Variants in ZNF221 observed in about 807,000 individuals in gnomAD.
ZNF221 encodes zinc finger protein 221.
Under a neutral mutation model 12.6 loss-of-function variants are expected in ZNF221, and 10 were observed. The ratio of observed to expected loss-of-function variants is 0.79; its 90% CI spans 0.49 to 1.34. The LOEUF (loss-of-function observed/expected upper bound fraction) is 1.34, where lower values mean the gene tolerates loss of function less well. Among genes scored for constraint, ZNF221 ranks in the 40% most tolerant of loss-of-function variants. The pLI, the probability that ZNF221 is intolerant of heterozygous loss-of-function variation, is 0.00. For synonymous variants in ZNF221, 232 were observed against 244.0 expected (o/e 0.95, Z 0.46); for missense variants, 661 against 721.4 (o/e 0.92, Z 0.96).
intron 1 of ZNF221, among the ~76,000 whole-genome samples, chr19:43,953,488 A>G (rs1218551512): frequency 6.6e-6 from 1 of 152,064 alleles, no homozygotes; most frequent in Non-Finnish European, 1.5e-5. Flanking sequence ...TGATTAAACC[A>G]TTGGCCACTG....
chr19:43,974,729 AAAAG>A, the ZNF221 span, among the ~76,000 whole-genome samples: 117,405 of 151,660 alleles, frequency 0.77, 46,518 homozygotes, highest in Middle Eastern at 0.89. Context: ...AAAAAAGTAA[AAAAG>A]AAGCCATTTG....
chr19:43,961,506 C>G (rs1243431360), intron 1 of ZNF221, among the ~76,000 whole-genome samples: 1 of 152,020 alleles, frequency 6.6e-6, no homozygotes, highest in Non-Finnish European at 1.5e-5. Flanking sequence ...CTATTAAATA[C>G]TAGATATCAA....
downstream of ZNF221, among the ~76,000 whole-genome samples, chr19:43,969,709 TG>T (rs1240330747): frequency 6.6e-6 from 1 of 152,124 alleles, no homozygotes; most frequent in African/African-American, 2.4e-5. Context: ...GGTCTCCCTG[TG>T]GGGGGTCTTC....
chr19:43,966,671 G>A lies in ZNF221; in HGVS notation c.1169G>A (p.Gly390Glu), dbSNP rs1369187088. 2 of 1,614,226 alleles carry A rather than the reference G, an allele frequency of 1.2e-6. No individual in the cohort carries two copies. Among genetic ancestry groups the A allele is most frequent in the Admixed American group, 1.7e-5 (1 of 60,028 alleles). ...TGTAAGCATCAGATGGTCCACACAG[G>A]AGAGAAACCATATAATTGTAAAGAA... is the stretch of plus-strand genomic sequence containing the variant. ...DFCKHQMVHT[G>E]EKPYNCKECG... The change falls in exon 5 of 5, where the codon GGA becomes GAA. Residue 390 changes from glycine to glutamate, a missense_variant. Physicochemically the swap from Gly to Glu is moderately conservative, Grantham distance 98 (BLOSUM62 -2). Coordinates refer to ENST00000587682, the MANE Select transcript of ZNF221 (RefSeq NM_001297588.2).
rs1975004978 is a variant in ZNF221, at chr19:43,967,577, C to T, written c.*221C>T. 2 of 467,418 alleles carry T rather than the reference C, an allele frequency of 4.3e-6. No homozygotes were observed. The highest frequency in any genetic ancestry group is 7.5e-6 in the Non-Finnish European group (2 of 264,908). 29.0% of individuals were successfully genotyped at this position (467,418 alleles called of 1,614,324 possible). A position where few individuals can be genotyped will look rare whatever the true frequency, so the allele number is the denominator to read the frequency against. Reference sequence around the variant, plus strand: ...CACTGCAAGCTCCGCCTCCCAGGTTCACGCCATTCTCCTGCCTCAGCCTCC... The same window carrying T: ...CACTGCAAGCTCCGCCTCCCAGGTTTACGCCATTCTCCTGCCTCAGCCTCC... On this transcript the variant is annotated 3_prime_UTR_variant, in exon 5 of 5. Coordinates refer to ENST00000587682, the MANE Select transcript of ZNF221 (RefSeq NM_001297588.2).
At position 43,965,274 on chromosome 19, in the gene ZNF221, A is replaced by G; in HGVS notation, c.250A>G (p.Lys84Glu). 1 of 1,613,740 alleles carries G rather than the reference A, an allele frequency of 6.2e-7. No homozygotes were observed. The change falls in exon 4 of 5, where the codon AAG (lysine) becomes GAG (glutamate). Residue 84 changes from lysine (K) to glutamate (E), a missense_variant. By Grantham distance (56) the Lys-to-Glu change is moderately conservative. Transcript: ENST00000587682. Reference protein sequence around the residue: ...FHQDTFHFLGKEKFWKMKTTS... With the variant: ...FHQDTFHFLGEEKFWKMKTTS... Reference sequence around the variant, plus strand: ...CCAAGATACTTTCCACTTCTTAGGGAAGGAAAAGTTTTGGAAGATGAAGAC... The same window carrying G: ...CCAAGATACTTTCCACTTCTTAGGGGAGGAAAAGTTTTGGAAGATGAAGAC...
At chr19:43,972,872 A>G in the ZNF221 span, among the ~76,000 whole-genome samples, 1 of 152,106 alleles carries the variant, frequency 6.6e-6, no homozygotes, top group Non-Finnish European at 1.5e-5. Flanking sequence ...AAACAATTGA[A>G]AAGAAGGGAT....
At chr19:43,961,706 T>G (rs1466177897) in intron 1 of ZNF221, 1 of 152,230 alleles carries the variant, frequency 6.6e-6, no homozygotes, top group Non-Finnish European at 1.5e-5. Context: ...TCTGTAGTCT[T>G]CTTTAATCTA....
rs150944457 is a variant in ZNF221, at chr19:43,967,212, C to G, written c.1710C>G (p.Ser570Arg). The change falls in exon 5 of 5, where the codon AGC becomes AGG. Residue 570 changes from serine (S) to arginine (R), a missense_variant. Ser to Arg is a moderately radical substitution (Grantham distance 110, BLOSUM62 -1). Coordinates refer to ENST00000587682, the MANE Select transcript of ZNF221 (RefSeq NM_001297588.2). Reference protein sequence around the residue: ...RPYNCKECGKSFGWASCLLKH... With the variant: ...RPYNCKECGKRFGWASCLLKH... ...ATAATTGTAAGGAATGTGGAAAGAG[C>G]TTTGGCTGGGCTTCATGTCTTTTGA... is the stretch of plus-strand genomic sequence containing the variant. The G allele has an allele frequency of 2.1e-5, 34 of 1,614,076 alleles. No homozygotes were observed. The African/African-American group carries it at 4.4e-4, about 21-fold the overall frequency.
At chr19:43,980,233 C>G in the ZNF221 span, among the ~76,000 whole-genome samples, 1 of 152,200 alleles carries the variant, frequency 6.6e-6, no homozygotes, top group Non-Finnish European at 1.5e-5. Flanking sequence ...ATCTATTACA[C>G]TGTTACTTTA....
At chr19:43,971,577 T>G (rs1975097073), downstream of ZNF221, among the ~76,000 whole-genome samples, 1 of 147,170 alleles carries the variant, frequency 6.8e-6, no homozygotes, top group African/African-American at 2.5e-5. Flanking sequence ...ACCAAGAAAA[T>G]GGAAATCAGA....
chr19:43,971,640 AAAG>A (rs1159669596), downstream of ZNF221, among the ~76,000 whole-genome samples: 3 of 12,080 alleles, frequency 2.5e-4, no homozygotes, highest in African/African-American at 3.3e-4. Flanking sequence ...TTAAACCAAC[AAAG>A]ATAAAAAAAA....
intron 1 of ZNF221, among the ~76,000 whole-genome samples, chr19:43,952,846 T>C (rs894765211): frequency 6.6e-6 from 1 of 152,164 alleles, no homozygotes; most frequent in Non-Finnish European, 1.5e-5. Context: ...TGTATTCTTA[T>C]AGAACCATAT....
At chr19:43,959,430 G>C (rs1276845967) in intron 1 of ZNF221, among the ~76,000 whole-genome samples, 3 of 152,166 alleles carry the variant, frequency 2.0e-5, no homozygotes, top group Non-Finnish European at 4.4e-5. Flanking sequence ...AATTACATTT[G>C]ATATAGTTTG....
chr19:43,952,116 G>T (rs928923474), intron 1 of ZNF221, among the ~76,000 whole-genome samples: 1 of 151,322 alleles, frequency 6.6e-6, no homozygotes, highest in Non-Finnish European at 1.5e-5. Flanking sequence ...CTCGTGATCC[G>T]CCCGCCTCGG....
In ZNF221 at chr19:43,965,919, C is replaced by T. The variant is rs780936971; in HGVS notation, c.417C>T (p.Ser139=). 1 of 1,614,186 alleles carries T rather than the reference C, an allele frequency of 6.2e-7. No individual in the cohort carries two copies. Among genetic ancestry groups the T allele is most frequent in the Non-Finnish European group, 8.5e-7 (1 of 1,180,028 alleles). ...IASDLTRSQN[S]IRNSSQFFKE... is the part of the protein sequence containing the mutation. ...GTGACCTAACCAGGTCTCAAAACTCCATAAGGAACAGCTCTCAGTTCTTCA... is the reference window on the plus strand; with the variant it reads ...GTGACCTAACCAGGTCTCAAAACTCTATAAGGAACAGCTCTCAGTTCTTCA... The change falls in exon 5 of 5, where the codon TCC becomes TCT. Residue 139 remains serine (S), a synonymous_variant. Transcript: ENST00000587682.
At position 43,967,479 on chromosome 19, in the gene ZNF221, TC is replaced by T. The variant is rs1387503193; in HGVS notation, c.*124del. Reference sequence around the variant, plus strand: ...GGAAGAGCTTTGTACATAGATCATATCTTTTTTTTTTTTTTTTGAGACAGAG... The same window carrying T: ...GGAAGAGCTTTGTACATAGATCATATTTTTTTTTTTTTTTTTGAGACAGAG... On this transcript the variant is annotated 3_prime_UTR_variant, in exon 5 of 5. Coordinates refer to ENST00000587682, the MANE Select transcript of ZNF221 (RefSeq NM_001297588.2). The T allele has an allele frequency of 3.3e-5, 22 of 667,412 alleles. No individual in the cohort carries two copies. Among genetic ancestry groups the T allele is most frequent in the Admixed American group, 7.5e-5 (2 of 26,684 alleles). 41.3% of individuals were successfully genotyped at this position (667,412 alleles called of 1,614,324 possible).
the ZNF221 span, among the ~76,000 whole-genome samples, chr19:43,980,214 T>C: frequency 2.0e-5 from 3 of 152,222 alleles, no homozygotes; most frequent in African/African-American, 7.2e-5. Flanking sequence ...GTAAATAACT[T>C]GACAGGAAAT....
Position 43,964,986 on chromosome 19 carries a change from A to G in ZNF221, c.118A>G (p.Thr40Ala). The G allele has an allele frequency of 6.2e-7, 1 of 1,614,150 alleles. No homozygotes were observed. The highest frequency in any genetic ancestry group is 8.5e-7 in the Non-Finnish European group (1 of 1,180,008). Reference sequence around the variant, plus strand: ...ATTCAAGGATGTGGCTGTGGTCTTCACTGAGGAGGAGCTGGGGCTGCTGGA... The same window carrying G: ...ATTCAAGGATGTGGCTGTGGTCTTCGCTGAGGAGGAGCTGGGGCTGCTGGA... ...VTFKDVAVVF[T>A]EEELGLLDPA... The change falls in exon 3 of 5, where the codon ACT (threonine) becomes GCT (alanine). Residue 40 changes from threonine (T) to alanine (A), a missense_variant. By Grantham distance (58) the Thr-to-Ala change is moderately conservative. Transcript: ENST00000587682.
Sources: gnomAD v4.1 joint callset for allele counts (sites outside exome capture counted in the v4.1 genomes callset) on GRCh38, gnomAD v4.1.1 for gene constraint, MANE v1.5 for transcripts, NCBI Gene and HGNC (gene_info 2026-07-23, HGNC 2026-07-21) for gene names.